UBR2: variants seen among roughly 807,000 people sequenced by gnomAD.
The protein encoded by UBR2 is E3 ubiquitin-protein ligase UBR2.
UBR2 carries 92 observed loss-of-function variants against 247.9 expected under a neutral mutation model. The observed-to-expected ratio is 0.37, with a 90% CI of 0.31 to 0.44. The LOEUF (loss-of-function observed/expected upper bound fraction) is 0.44, where lower values mean the gene tolerates loss of function less well. Ranked by LOEUF, UBR2 falls within the 20% of genes least tolerant of loss-of-function variation. UBR2 has a pLI of 1.00. For missense variants in UBR2, 1,613 were observed against 2,112.6 expected, an observed-to-expected ratio of 0.76 and a Z score of 4.64; for synonymous variants, 672 against 693.5, an observed-to-expected ratio of 0.97 and a Z score of 0.49.
intron 11 of UBR2, among the ~76,000 whole-genome samples, chr6:42,631,281 A>G (rs1463489355): frequency 6.6e-6 from 1 of 152,182 alleles, no homozygotes; most frequent in Non-Finnish European, 1.5e-5. Flanking sequence ...AGAGTGCAAA[A>G]TGAAGTATTC....
intron 2 of UBR2, among the ~76,000 whole-genome samples, chr6:42,590,842 A>T (rs1460343547): frequency 6.6e-6 from 1 of 152,262 alleles, no homozygotes; most frequent in Admixed American, 6.5e-5. Flanking sequence ...ACTTGCTATC[A>T]AATATCTAGA....
At chr6:42,674,775 G>A (rs1278919049) in intron 38 of UBR2, among the ~76,000 whole-genome samples, 1 of 151,426 alleles carries the variant, frequency 6.6e-6, no homozygotes. Context: ...AAAAAAAACA[G>A]CAACAGAAGC....
At chr6:42,679,970 C>T (rs1798937213) in intron 42 of UBR2, 138 bp downstream of exon 42, 1 of 599,746 alleles carries the variant, frequency 1.7e-6, no homozygotes, top group Non-Finnish European at 2.8e-6. Flanking sequence ...AATGGGTGGG[C>T]CTTTTGTTGT....
chr6:42,646,125 CA>C (rs201338974), intron 21 of UBR2, among the ~76,000 whole-genome samples: 4 of 152,048 alleles, frequency 2.6e-5, no homozygotes, highest in African/African-American at 9.7e-5. Context: ...TTTTTCCTTC[CA>C]GGGGTGATAA....
At chr6:42,684,137 C>T (rs565245561) in intron 43 of UBR2, among the ~76,000 whole-genome samples, 1 of 152,214 alleles carries the variant, frequency 6.6e-6, no homozygotes, top group East Asian at 1.9e-4. Context: ...AACAGTAATC[C>T]TCAACTAGAA....
rs1799729571 is a variant in UBR2 at position 42,691,114 on chromosome 6, A to AT, written c.5211dup (p.Gly1738TrpfsTer14). On this transcript the variant is annotated frameshift_variant, in exon 47 of 47. Coordinates refer to ENST00000372901, the MANE Select transcript of UBR2 (RefSeq NM_001363705.2). LOFTEE classifies it high-confidence loss of function. ...GCACCAACACAGTGTCACAGAGGAA[A>AT]TTGGACATGCACAGGAAGCCAATCA... is the stretch of plus-strand genomic sequence containing the variant. 6.2e-7 allele frequency: 1 copy of AT among 1,614,110 alleles called. No individual in the cohort carries two copies. Among genetic ancestry groups the AT allele is most frequent in the Non-Finnish European group, 8.5e-7 (1 of 1,180,046 alleles).
chr6:42,636,231 G>A (rs1374775732), intron 14 of UBR2, among the ~76,000 whole-genome samples: 2 of 144,892 alleles, frequency 1.4e-5, no homozygotes, highest in African/African-American at 5.1e-5. Flanking sequence ...AGGCCAGAGT[G>A]CAGTGGTGCA....
chr6:42,586,467 ATATGCT>A (rs2151913025), intron 2 of UBR2, among the ~76,000 whole-genome samples: 2 of 150,094 alleles, frequency 1.3e-5, no homozygotes, highest in East Asian at 3.9e-4. Flanking sequence ...GTAATTATTG[ATATGCT>A]TATAATTATT....
intron 6 of UBR2, 125 bp from the exon 7 acceptor site, chr6:42,606,464 T>A: frequency 1.3e-6 from 1 of 794,812 alleles, no homozygotes; most frequent in South Asian, 1.7e-5. Flanking sequence ...ATGAGTAGGA[T>A]GAGCATTGTA....
chr6:42,671,088 G>A (rs1324499019), intron 36 of UBR2, among the ~76,000 whole-genome samples: 2 of 151,572 alleles, frequency 1.3e-5, no homozygotes, highest in Non-Finnish European at 2.9e-5. Context: ...AGGAGGCAGA[G>A]GCAAGACAAT....
intron 2 of UBR2, among the ~76,000 whole-genome samples, chr6:42,587,351 AT>A (rs1354551861): frequency 6.6e-6 from 1 of 151,442 alleles, no homozygotes; most frequent in Non-Finnish European, 1.5e-5. Flanking sequence ...TCTTCTTTTA[AT>A]TTTTTTTCTT....
At chr6:42,629,018 T>A (rs1437106747) in intron 11 of UBR2, among the ~76,000 whole-genome samples, 1 of 151,760 alleles carries the variant, frequency 6.6e-6, no homozygotes, top group Non-Finnish European at 1.5e-5. Context: ...GGTTTTTTTG[T>A]TTTTGTTTTT....
chr6:42,565,399 T>C (rs1224854565), intron 1 of UBR2, among the ~76,000 whole-genome samples: 1 of 152,068 alleles, frequency 6.6e-6, no homozygotes, highest in African/African-American at 2.4e-5. Flanking sequence ...AAATTTGGGA[T>C]TGGGGGCACT....
intron 2 of UBR2, among the ~76,000 whole-genome samples, chr6:42,590,662 CTG>C: frequency 6.6e-6 from 1 of 152,306 alleles, no homozygotes; most frequent in Middle Eastern, 3.4e-3. Context: ...ATGCACCTAA[CTG>C]TACACTGTTT....
Position 42,637,075 on chromosome 6 carries a change from A to G in UBR2, c.1739A>G (p.Tyr580Cys), listed in dbSNP as rs1169262352. 1 of 1,614,174 alleles carries G rather than the reference A, an allele frequency of 6.2e-7. No individual in the cohort carries two copies. The highest frequency in any genetic ancestry group is 1.7e-5 in the Admixed American group (1 of 60,028). ...GTACTGATGCAGTGTCATGGTGGTT[A>G]TACTGATGGTGAACAGCCAATCACA... is the stretch of plus-strand genomic sequence containing the variant. ...LAVLMQCHGG[Y>C]TDGEQPITLS... The change falls in exon 15 of 47, where the codon TAT (tyrosine) becomes TGT (cysteine). Residue 580 changes from tyrosine to cysteine, a missense_variant. Transcript: ENST00000372901.
intron 11 of UBR2, among the ~76,000 whole-genome samples, chr6:42,621,484 T>A (rs1794993930): frequency 6.6e-6 from 1 of 152,086 alleles, no homozygotes; most frequent in South Asian, 2.1e-4. Context: ...TTTTTTGAGA[T>A]GGAGTTTCAT....
intron 2 of UBR2, among the ~76,000 whole-genome samples, chr6:42,591,927 C>T (rs1163598586): frequency 6.6e-6 from 1 of 152,100 alleles, no homozygotes; most frequent in African/African-American, 2.4e-5. Context: ...TAATATGTGC[C>T]TTGAAAGACT....
intron 7 of UBR2, among the ~76,000 whole-genome samples, chr6:42,608,823 ATTCATTT>A (rs1389479665): frequency 6.6e-6 from 1 of 152,052 alleles, no homozygotes. Flanking sequence ...TCTTTTTCTT[ATTCATTT>A]AAGTTTGTTG....
intron 36 of UBR2, 60 bp from the exon 37 acceptor site, chr6:42,673,731 T>C: frequency 7.9e-7 from 1 of 1,261,572 alleles, no homozygotes; most frequent in Non-Finnish European, 1.2e-6. Context: ...TGAACTAGCA[T>C]TCCTGAAAGA....
Sources: allele counts gnomAD v4.1 joint callset (sites outside exome capture counted in the v4.1 genomes callset), GRCh38; gene constraint gnomAD v4.1.1; transcripts MANE v1.5; gene names NCBI Gene and HGNC (gene_info 2026-07-23, HGNC 2026-07-21).